Variants in ACYP2 observed in about 807,000 individuals in gnomAD.
The protein encoded by ACYP2 is acylphosphatase-2.
ACYP2 carries 12 observed loss-of-function variants against 11.2 expected under a neutral mutation model. That is an observed-to-expected ratio of 1.08 (90% CI 0.69 to 1.74). The LOEUF (loss-of-function observed/expected upper bound fraction) is 1.74. Ranked by LOEUF, ACYP2 falls within the 40% of genes most tolerant of loss-of-function variation. The pLI, the probability that ACYP2 is intolerant of heterozygous loss-of-function variation, is 0.00. For missense variants in ACYP2, 134 were observed against 101.9 expected, an observed-to-expected ratio of 1.31 and a Z score of -1.35; for synonymous variants, 43 against 32.2, an observed-to-expected ratio of 1.33 and a Z score of -1.13.
intron 6 of ACYP2, among the ~76,000 whole-genome samples, chr2:54,219,505 G>C (rs890979693): frequency 2.6e-5 from 4 of 152,120 alleles, no homozygotes; most frequent in Non-Finnish European, 4.4e-5. Context: ...ATATGAGGGA[G>C]TGGAATAGAA....
chr2:54,271,580 G>A (rs1037467088), intron 6 of ACYP2, among the ~76,000 whole-genome samples: 2 of 151,796 alleles, frequency 1.3e-5, no homozygotes, highest in African/African-American at 2.4e-5. Context: ...CTATCCCTCT[G>A]TGCACCAAAT....
At chr2:54,010,737 CTTTTTTTTTTTTT>C (rs539896151) in intron 2 of ACYP2, among the ~76,000 whole-genome samples, 11 of 107,664 alleles carry the variant, frequency 1.0e-4, no homozygotes, top group East Asian at 2.9e-4. Context: ...TTCTTTCTTT[CTTTTTTTTTTTTT>C]TTTTTTTTTT....
chr2:54,075,144 C>T (rs1293358839), intron 4 of ACYP2, among the ~76,000 whole-genome samples: 1 of 152,062 alleles, frequency 6.6e-6, no homozygotes, highest in Non-Finnish European at 1.5e-5. Context: ...GTTCAACGGA[C>T]GGTGTGTGCC....
intron 6 of ACYP2, among the ~76,000 whole-genome samples, chr2:54,248,256 C>T (rs994979492): frequency 5.3e-5 from 8 of 152,110 alleles, no homozygotes; most frequent in African/African-American, 1.4e-4. Context: ...TATCTAGAAC[C>T]GCAAGGCTGA....
At chr2:54,130,897 A>G in intron 4 of ACYP2, among the ~76,000 whole-genome samples, 1 of 152,146 alleles carries the variant, frequency 6.6e-6, no homozygotes. Flanking sequence ...CCTGTTTTTC[A>G]ACAAGCCAGC....
chr2:54,264,162 G>A (rs527870219), intron 6 of ACYP2, among the ~76,000 whole-genome samples: 1 of 152,276 alleles, frequency 6.6e-6, no homozygotes, highest in Admixed American at 6.5e-5. Flanking sequence ...TCTTCCTTCC[G>A]GTGGGTTCGT....
chr2:54,201,601 T>TG (rs1684778563), intron 6 of ACYP2, among the ~76,000 whole-genome samples: 1 of 111,232 alleles, frequency 9.0e-6, no homozygotes, highest in African/African-American at 3.5e-5. Context: ...TTTCTCTTTC[T>TG]TTCTTTCTTT....
At chr2:54,011,253 G>A (rs1263907270) in intron 2 of ACYP2, among the ~76,000 whole-genome samples, 2 of 152,070 alleles carry the variant, frequency 1.3e-5, no homozygotes, top group African/African-American at 2.4e-5. Flanking sequence ...AGTCCCGGGA[G>A]CTCCTTTTCT....
chr2:54,229,952 C>T (rs761524433), intron 6 of ACYP2, among the ~76,000 whole-genome samples: 1 of 152,140 alleles, frequency 6.6e-6, no homozygotes, highest in Non-Finnish European at 1.5e-5. Flanking sequence ...TATCCAAATT[C>T]CTACCTTAGG....
At chr2:54,168,100 A>G (rs1683073385) in intron 6 of ACYP2, among the ~76,000 whole-genome samples, 2 of 151,932 alleles carry the variant, frequency 1.3e-5, no homozygotes, top group South Asian at 2.1e-4. Flanking sequence ...CACTTTTTCC[A>G]TTGTCTTCAG....
At chr2:54,196,367 T>C (rs1558603943) in intron 6 of ACYP2, among the ~76,000 whole-genome samples, 1 of 151,960 alleles carries the variant, frequency 6.6e-6, no homozygotes, top group East Asian at 1.9e-4. Flanking sequence ...CTTAACCTAT[T>C]TTAAGATTTG....
chr2:54,136,929 T>C (rs868183262), intron 5 of ACYP2, among the ~76,000 whole-genome samples: 1 of 152,074 alleles, frequency 6.6e-6, no homozygotes, highest in African/African-American at 2.4e-5. Context: ...TGAGCCGAGA[T>C]GGCGCCACTG....
intron 6 of ACYP2, among the ~76,000 whole-genome samples, chr2:54,199,982 T>G (rs1684689501): frequency 6.6e-6 from 1 of 152,262 alleles, no homozygotes; most frequent in African/African-American, 2.4e-5. Context: ...AAACACAGTT[T>G]TGTATTGAAA....
chr2:54,005,391 G>A (rs1378782853), intron 2 of ACYP2, among the ~76,000 whole-genome samples: 3 of 150,624 alleles, frequency 2.0e-5, no homozygotes, highest in Admixed American at 1.3e-4. Context: ...CCAGGCTGGA[G>A]TGTAAGGGCA....
At chr2:54,223,799 G>A (rs1021048980) in intron 6 of ACYP2, among the ~76,000 whole-genome samples, 1 of 152,090 alleles carries the variant, frequency 6.6e-6, no homozygotes, top group Non-Finnish European at 1.5e-5. Flanking sequence ...TAGCAACTTG[G>A]CAGACATTGG....
intron 6 of ACYP2, among the ~76,000 whole-genome samples, chr2:54,238,864 C>T (rs1037294616): frequency 2.0e-5 from 3 of 151,406 alleles, no homozygotes; most frequent in African/African-American, 7.3e-5. Context: ...AAACTGATAT[C>T]CCTACCAACC....
At chr2:54,282,434 T>A (rs1688889985) in intron 6 of ACYP2, among the ~76,000 whole-genome samples, 1 of 152,222 alleles carries the variant, frequency 6.6e-6, no homozygotes, top group Non-Finnish European at 1.5e-5. Context: ...TCTAAGCAGA[T>A]GGCCCTTGTG....
intron 4 of ACYP2, among the ~76,000 whole-genome samples, chr2:54,120,251 G>A (rs1181393546): frequency 6.6e-6 from 1 of 152,028 alleles, no homozygotes; most frequent in Non-Finnish European, 1.5e-5. Flanking sequence ...AACTTCCCTT[G>A]CATCAAGGAC....
At chr2:54,035,025 A>AT (rs1674810212) in intron 2 of ACYP2, among the ~76,000 whole-genome samples, 1 of 139,292 alleles carries the variant, frequency 7.2e-6, no homozygotes, top group African/African-American at 2.7e-5. Flanking sequence ...AAAAAAAAAA[A>AT]AAAAAAAGCC....
Sources: gnomAD v4.1 joint callset for allele counts (sites outside exome capture counted in the v4.1 genomes callset) on GRCh38, gnomAD v4.1.1 for gene constraint, MANE v1.5 for transcripts, NCBI Gene and HGNC (gene_info 2026-07-23, HGNC 2026-07-21) for gene names.